Variants in MPDZ observed in about 807,000 individuals in gnomAD.
The protein encoded by MPDZ is multiple PDZ domain protein.
Under a neutral mutation model 239.1 loss-of-function variants are expected in MPDZ, and 234 were observed. The ratio of observed to expected loss-of-function variants is 0.98; its 90% confidence interval spans 0.88 to 1.09. The LOEUF is 1.09. MPDZ is among the 50% of genes least tolerant of loss of function. The probability of loss-of-function intolerance (pLI) is 0.00; values close to 1 mark genes in which losing one functional copy is unlikely to be tolerated. For synonymous variants in MPDZ, 1,048 were observed against 881.3 expected, an observed-to-expected ratio of 1.19 and a Z score of -3.35; for missense variants, 3,175 against 2,510.0, an observed-to-expected ratio of 1.26 and a Z score of -5.66.
chr9:13,182,037 G>C (rs1953409348), intron 19 of MPDZ, among the ~76,000 whole-genome samples: 1 of 152,076 alleles, frequency 6.6e-6, no homozygotes, highest in African/African-American at 2.4e-5. Flanking sequence ...CATTTGCAAG[G>C]ATAACAGGTG....
intron 12 of MPDZ, among the ~76,000 whole-genome samples, chr9:13,200,253 T>A (rs1441702326): frequency 4.6e-5 from 7 of 152,008 alleles, no homozygotes; most frequent in Admixed American, 6.6e-5. Context: ...TTCATAATAG[T>A]CTCTAACAAT....
Position 13,261,999 on chromosome 9 carries a change from C to T in MPDZ, c.-57-11627G>A, listed in dbSNP as rs117143845. 5.8e-4 allele frequency among the ~76,000 whole-genome samples: 88 copies of T among 151,868 alleles called. 1 individual carries two copies. The East Asian group carries it at 0.015, about 25-fold the overall frequency. On this transcript the variant is annotated intron_variant, in intron 1 of 46. Coordinates refer to ENST00000319217, the MANE Select transcript of MPDZ (RefSeq NM_001378778.1). ...GATTGAGGCTATAGTGAGCTATCAT[C>T]ACGCCACTGAACTCCAGCCTGGGCA...
chr9:13,214,250 T>C (rs1958001148), intron 10 of MPDZ, among the ~76,000 whole-genome samples: 1 of 152,026 alleles, frequency 6.6e-6, no homozygotes, highest in Non-Finnish European at 1.5e-5. Flanking sequence ...TAAAGGGAAA[T>C]GAAGACTGAA....
chr9:13,204,405 T>C (rs960248862), intron 12 of MPDZ, among the ~76,000 whole-genome samples: 14 of 152,142 alleles, frequency 9.2e-5, no homozygotes, highest in African/African-American at 3.1e-4. Context: ...CTGGCCAACA[T>C]GGCGAAATCT....
In MPDZ at chr9:13,200,588, T is replaced by C. The variant is rs1290217912; in HGVS notation, c.1547-4358A>G. Among the ~76,000 whole-genome samples the C allele has an allele frequency of 3.3e-5, 5 of 152,174 alleles. No individual in the cohort carries two copies. The East Asian group carries it at 7.7e-4, about 24-fold the overall frequency. ...TTCCCTCTCAGAACTGCTTTTGCTG[T>C]AGGCCATAGGTTTGGTATGCTGTGT... On this transcript the variant is annotated intron_variant, in intron 12 of 46. Coordinates refer to ENST00000319217, the MANE Select transcript of MPDZ (RefSeq NM_001378778.1).
At chr9:13,259,645 G>A (rs1016548622) in intron 1 of MPDZ, among the ~76,000 whole-genome samples, 2 of 152,120 alleles carry the variant, frequency 1.3e-5, no homozygotes, top group Non-Finnish European at 2.9e-5. Flanking sequence ...TGGGGGAGAA[G>A]GTCTGATGAA....
At position 13,176,296 on chromosome 9, in the gene MPDZ, C is replaced by T; in HGVS notation, c.2771G>A (p.Gly924Glu). The T allele has an allele frequency of 6.2e-7, 1 of 1,610,376 alleles. No homozygotes were observed. The highest frequency in any genetic ancestry group is 2.2e-5 in the East Asian group (1 of 44,636). Reference sequence around the variant, plus strand: ...ATTTATAGTAAAGCCAGAAGCAGGCCCCATACTTATGTCCACCGAAGGTGT... The same window carrying T: ...ATTTATAGTAAAGCCAGAAGCAGGCTCCATACTTATGTCCACCGAAGGTGT... The part of the protein sequence containing the change: ...ENTPSVDISM[G>E]PASGFTINDY... The change falls in exon 20 of 47, where the codon GGG becomes GAG. Residue 924 changes from glycine (G) to glutamate (E), a missense_variant. Coordinates refer to ENST00000319217, the MANE Select transcript of MPDZ (RefSeq NM_001378778.1).
At chr9:13,216,396 AC>A (rs1958349308) in intron 10 of MPDZ, among the ~76,000 whole-genome samples, 1 of 151,508 alleles carries the variant, frequency 6.6e-6, no homozygotes, top group African/African-American at 2.4e-5. Flanking sequence ...AAAAAAAAAA[AC>A]AATGCAGGCA....
intron 7 of MPDZ, 26 bp downstream of exon 7, chr9:13,221,346 A>C: frequency 6.3e-7 from 1 of 1,575,500 alleles, no homozygotes; most frequent in African/African-American, 1.4e-5. Flanking sequence ...ATAAAATAGC[A>C]TAAAAGATCT....
intron 17 of MPDZ, among the ~76,000 whole-genome samples, chr9:13,188,285 A>C (rs2134807899): frequency 6.6e-6 from 1 of 152,202 alleles, no homozygotes; most frequent in Non-Finnish European, 1.5e-5. Flanking sequence ...TGGGAGGCTG[A>C]GGTAGGGGGA....
chr9:13,111,161 GT>G (rs1168337875), intron 43 of MPDZ, among the ~76,000 whole-genome samples: 1 of 152,238 alleles, frequency 6.6e-6, no homozygotes, highest in East Asian at 1.9e-4. Flanking sequence ...CCCACTGCCT[GT>G]TTTGGTTAAT....
chr9:13,115,189 T>C, intron 40 of MPDZ, 59 bp downstream of exon 40: 2 of 1,447,422 alleles, frequency 1.4e-6, no homozygotes. Context: ...GTCAGGGCCA[T>C]CTATGTGTCC....
rs1049870101 is a variant in MPDZ, at chr9:13,250,402, T to C, written c.-57-30A>G. On this transcript the variant is annotated intron_variant, in intron 1 of 46. Transcript: ENST00000319217. The stretch of plus-strand genomic sequence containing the variant: ...GCAAAAAAGAAATAGAATGGTTATG[T>C]TTTATCAGAACTTTATATTCTAAAG... 1.4e-5 allele frequency: 17 copies of C among 1,184,310 alleles called. No homozygotes were observed. The African/African-American group carries it at 2.4e-4, about 17-fold the overall frequency. 73.4% of individuals were successfully genotyped at this position (1,184,310 alleles called of 1,614,324 possible).
chr9:13,262,582 A>C (rs947388620), intron 1 of MPDZ, among the ~76,000 whole-genome samples: 2 of 152,106 alleles, frequency 1.3e-5, no homozygotes, highest in African/African-American at 2.4e-5. Flanking sequence ...AAAAAACAGA[A>C]ATAGAGTCTA....
chr9:13,186,137 G>A, intron 18 of MPDZ, 133 bp downstream of exon 18: 1 of 446,370 alleles, frequency 2.2e-6, no homozygotes, highest in Non-Finnish European at 3.8e-6. Context: ...GAACTAAGTT[G>A]GAGAAAACAT....
intron 1 of MPDZ, among the ~76,000 whole-genome samples, chr9:13,267,106 T>C (rs1313599306): frequency 1.3e-5 from 2 of 152,124 alleles, no homozygotes; most frequent in East Asian, 3.9e-4. Context: ...TTATTTGGGG[T>C]TCTTAAAAAT....
intron 19 of MPDZ, among the ~76,000 whole-genome samples, chr9:13,179,440 G>C (rs910358157): frequency 6.6e-6 from 1 of 152,068 alleles, no homozygotes; most frequent in Non-Finnish European, 1.5e-5. Flanking sequence ...TGGTATAACA[G>C]TCCCATGCAT....
intron 1 of MPDZ, among the ~76,000 whole-genome samples, chr9:13,257,767 A>T (rs1257910009): frequency 2.0e-5 from 3 of 152,340 alleles, no homozygotes; most frequent in Admixed American, 2.0e-4. Flanking sequence ...TCAACTAAAA[A>T]TACAGGATGC....
chr9:13,165,336 C>G (rs1367377683), intron 22 of MPDZ: 1 of 1,546,796 alleles, frequency 6.5e-7, no homozygotes. Context: ...AACACACAGC[C>G]ATAATGAGCT....
Sources: allele counts gnomAD v4.1 joint callset (sites outside exome capture counted in the v4.1 genomes callset), GRCh38; gene constraint gnomAD v4.1.1; transcripts MANE v1.5; gene names NCBI Gene and HGNC (gene_info 2026-07-23, HGNC 2026-07-21).